The following CRIPTO variants were observed in gnomAD, a reference collection of about 807,000 sequenced individuals.
CRIPTO encodes the protein protein Cripto.
chr3:46,579,246 G>C, the CRIPTO span: 1 of 1,614,146 alleles, frequency 6.2e-7, no homozygotes, highest in Non-Finnish European at 8.5e-7. Flanking sequence ...GGGCCATCAG[G>C]AATTTGCTCG....
chr3:46,576,480 CAAAAAAA>C, the CRIPTO span, among the ~76,000 whole-genome samples: 15,617 of 54,564 alleles, frequency 0.29, 1,203 homozygotes, highest in South Asian at 0.43. Context: ...GACTCTGTCG[CAAAAAAA>C]AAAAAAAAAA....
chr3:46,581,243 A>G, the CRIPTO span: 1 of 1,611,064 alleles, frequency 6.2e-7, no homozygotes. Flanking sequence ...ATACAAAGCT[A>G]CTATTAATCG....
chr3:46,577,768 T>A, the CRIPTO span: 1 of 630,282 alleles, frequency 1.6e-6, no homozygotes, highest in Non-Finnish European at 2.8e-6. Context: ...GGTCAAAACG[T>A]CCAAGGCCGA....
the CRIPTO span, chr3:46,579,386 G>C: frequency 6.2e-7 from 1 of 1,614,014 alleles, no homozygotes; most frequent in Non-Finnish European, 8.5e-7. Context: ...GCCTGACTTC[G>C]ATGCTTCTGC....
At chr3:46,581,173 C>A in the CRIPTO span, 1 of 1,614,164 alleles carries the variant, frequency 6.2e-7, no homozygotes, top group South Asian at 1.1e-5. Context: ...TTCCAGGACT[C>A]CAGAACTACC....
the CRIPTO span, chr3:46,577,408 GAAATA>G: frequency 6.5e-6 from 1 of 154,894 alleles, no homozygotes; most frequent in Non-Finnish European, 1.4e-5. Flanking sequence ...AAAACTTCCT[GAAATA>G]AAATAAAATA....
the CRIPTO span, among the ~76,000 whole-genome samples, chr3:46,580,269 G>A: frequency 6.6e-6 from 1 of 152,194 alleles, no homozygotes; most frequent in African/African-American, 2.4e-5. Flanking sequence ...TAGTCCTGCT[G>A]CCTTTCAGAT....
chr3:46,581,084 A>AGGC, the CRIPTO span: 3 of 1,394,504 alleles, frequency 2.2e-6, no homozygotes, highest in Non-Finnish European at 3.1e-6. Context: ...CAGCAGGATG[A>AGGC]ACTGCCAGAG....
At chr3:46,580,083 C>T in the CRIPTO span, 1 of 1,614,196 alleles carries the variant, frequency 6.2e-7, no homozygotes, top group Non-Finnish European at 8.5e-7. Context: ...TCTCCTCTTT[C>T]TTTTGCCCTT....
At chr3:46,576,421 CA>C in the CRIPTO span, among the ~76,000 whole-genome samples, 4 of 130,646 alleles carry the variant, frequency 3.1e-5, no homozygotes, top group Middle Eastern at 5.2e-3. Flanking sequence ...GTGGAGGTTG[CA>C]GTGAGCCAAG....
the CRIPTO span, chr3:46,581,812 G>T: frequency 8.9e-6 from 2 of 225,232 alleles, no homozygotes; most frequent in South Asian, 1.5e-4. Context: ...TGCAAGGCCT[G>T]GTGTTTCTTG....
chr3:46,575,256 C>A, the CRIPTO span, among the ~76,000 whole-genome samples: 1 of 152,230 alleles, frequency 6.6e-6, no homozygotes, highest in East Asian at 1.9e-4. Flanking sequence ...AGTGGGGTTA[C>A]TTCTCACAAC....
chr3:46,579,881 G>A, the CRIPTO span: 71 of 1,614,228 alleles, frequency 4.4e-5, no homozygotes, highest in Non-Finnish European at 5.6e-5. Context: ...GCGGGGAGCC[G>A]TGGAGAGGAG....
the CRIPTO span, chr3:46,578,073 T>C: frequency 1.4e-4 from 213 of 1,516,202 alleles, no homozygotes; most frequent in African/African-American, 2.8e-3. Context: ...AGTAATGTTC[T>C]ACACCTGTCA....
chr3:46,581,081 A>G, the CRIPTO span: 15 of 1,366,398 alleles, frequency 1.1e-5, no homozygotes, highest in Non-Finnish European at 1.5e-5. Context: ...GGGCAGCAGG[A>G]TGAACTGCCA....
chr3:46,579,292 G>A, the CRIPTO span: 6 of 1,614,220 alleles, frequency 3.7e-6, no homozygotes, highest in Non-Finnish European at 5.1e-6. Flanking sequence ...AGAGATGACA[G>A]CATTTGGCCC....
chr3:46,578,909 T>C, the CRIPTO span, among the ~76,000 whole-genome samples: 2 of 152,098 alleles, frequency 1.3e-5, no homozygotes, highest in African/African-American at 4.8e-5. Flanking sequence ...GACTTGGATA[T>C]TGGTGACTTT....
the CRIPTO span, chr3:46,580,244 C>T: frequency 1.3e-6 from 1 of 750,776 alleles, no homozygotes; most frequent in South Asian, 1.7e-5. Flanking sequence ...ATATTTATTT[C>T]CTCGGGAACC....
At chr3:46,581,647 T>C in the CRIPTO span, 6 of 534,874 alleles carry the variant, frequency 1.1e-5, no homozygotes, top group African/African-American at 7.7e-5. Context: ...GTAACTGGGA[T>C]TACAGGCATG....
Sources: allele counts gnomAD v4.1 joint callset (sites outside exome capture counted in the v4.1 genomes callset), GRCh38; gene constraint gnomAD v4.1.1; transcripts MANE v1.5; gene names NCBI Gene and HGNC (gene_info 2026-07-23, HGNC 2026-07-21).